The following CFDP1 variants were observed in gnomAD, a reference collection of about 807,000 sequenced individuals.
CFDP1 encodes chromatin remodeling protein CFDP1.
A neutral mutation model predicts 40.1 loss-of-function variants in CFDP1; 31 were observed. The observed-to-expected ratio is 0.77, with a 90% confidence interval of 0.58 to 1.04. The LOEUF (loss-of-function observed/expected upper bound fraction) is 1.04. CFDP1 is among the 50% of genes least tolerant of loss of function. CFDP1 has a pLI of 0.00. For synonymous variants in CFDP1, 167 were observed against 120.0 expected (o/e 1.39, Z -2.56); for missense variants, 423 against 343.4 (o/e 1.23, Z -1.83).
chr16:75,338,407 A>C (rs184967777), intron 5 of CFDP1, among the ~76,000 whole-genome samples: 70 of 152,256 alleles, frequency 4.6e-4, no homozygotes, highest in African/African-American at 1.7e-3. Context: ...GAGGATAGGG[A>C]GGGGTTGGAG....
intron 4 of CFDP1, among the ~76,000 whole-genome samples, chr16:75,402,948 T>C (rs2079067923): frequency 6.6e-6 from 1 of 152,172 alleles, no homozygotes. Flanking sequence ...ATTTTTAAAG[T>C]AATAAGCATG....
chr16:75,433,289 C>A lies in CFDP1; in HGVS notation c.64G>T (p.Gly22Cys). 1 of 1,598,382 alleles carries A rather than the reference C, an allele frequency of 6.3e-7. No individual in the cohort carries two copies. The highest frequency in any genetic ancestry group is 2.3e-5 in the East Asian group (1 of 44,420). The change falls in exon 1 of 7, where the codon GGT (glycine) becomes TGT (cysteine). Residue 22 changes from glycine (G) to cysteine (C), a missense_variant and splice_region_variant. Transcript: ENST00000283882. ...SEEDEDYVPS[G>C]GEYSEDDVNE... Reference sequence around the variant, plus strand: ...TCTCGCCTCAGGCGGAATCGCTCACCCGACGGCACGTAGTCCTCGTCCTCC... The same window carrying A: ...TCTCGCCTCAGGCGGAATCGCTCACACGACGGCACGTAGTCCTCGTCCTCC...
At chr16:75,304,843 TC>T (rs1489005038) in intron 6 of CFDP1, among the ~76,000 whole-genome samples, 180 bp downstream of exon 6, 3 of 152,168 alleles carry the variant, frequency 2.0e-5, no homozygotes, top group Non-Finnish European at 4.4e-5. Context: ...GCAGTGGCCT[TC>T]CCAGTGACAG....
At chr16:75,362,675 A>T (rs1301102524) in intron 5 of CFDP1, among the ~76,000 whole-genome samples, 1 of 152,140 alleles carries the variant, frequency 6.6e-6, no homozygotes, top group Non-Finnish European at 1.5e-5. Flanking sequence ...TATAAAAGCA[A>T]GCCTAAGTTA....
chr16:75,395,245 G>C (rs774600454), intron 4 of CFDP1, 36 bp from the exon 5 acceptor site: 3 of 1,602,370 alleles, frequency 1.9e-6, no homozygotes, highest in Admixed American at 1.7e-5. Flanking sequence ...CTTACAAGAA[G>C]AATAAAGAGA....
At chr16:75,330,062 C>T (rs1358674062) in intron 5 of CFDP1, among the ~76,000 whole-genome samples, 1 of 152,160 alleles carries the variant, frequency 6.6e-6, no homozygotes, top group African/African-American at 2.4e-5. Flanking sequence ...CTTCCCTGAC[C>T]CCAAGATTCT....
At chr16:75,406,319 G>C (rs2151578271) in intron 4 of CFDP1, among the ~76,000 whole-genome samples, 1 of 152,202 alleles carries the variant, frequency 6.6e-6, no homozygotes, top group South Asian at 2.1e-4. Flanking sequence ...CATGGCTGTA[G>C]TGGGCCATGA....
intron 4 of CFDP1, among the ~76,000 whole-genome samples, chr16:75,400,531 G>T (rs753859914): frequency 6.6e-6 from 1 of 152,066 alleles, no homozygotes; most frequent in South Asian, 2.1e-4. Context: ...CTAGGCCCCA[G>T]ATCCCCTTCA....
intron 4 of CFDP1, among the ~76,000 whole-genome samples, chr16:75,409,798 C>A (rs1172138732): frequency 1.3e-5 from 2 of 152,114 alleles, no homozygotes; most frequent in African/African-American, 4.8e-5. Context: ...AGTGGTGAAT[C>A]TGGATCATAG....
chr16:75,334,856 G>A (rs2078474682), intron 5 of CFDP1, among the ~76,000 whole-genome samples: 1 of 152,074 alleles, frequency 6.6e-6, no homozygotes, highest in South Asian at 2.1e-4. Flanking sequence ...TTGGGAGGCT[G>A]AGGCACAAGA....
intron 5 of CFDP1, among the ~76,000 whole-genome samples, chr16:75,313,273 C>T (rs1322655669): frequency 6.6e-6 from 1 of 152,206 alleles, no homozygotes. Context: ...GCATATAATG[C>T]AGAGAGAAAT....
chr16:75,388,872 G>A (rs1035424145), intron 5 of CFDP1, among the ~76,000 whole-genome samples: 1 of 151,006 alleles, frequency 6.6e-6, no homozygotes, highest in African/African-American at 2.4e-5. Flanking sequence ...GGAAAACACT[G>A]CTACACTGAC....
chr16:75,407,323 G>C (rs1414296716), intron 4 of CFDP1, among the ~76,000 whole-genome samples: 2 of 152,106 alleles, frequency 1.3e-5, no homozygotes, highest in Non-Finnish European at 2.9e-5. Flanking sequence ...TAGAAAAATA[G>C]TGTTTCTACA....
intron 5 of CFDP1, among the ~76,000 whole-genome samples, chr16:75,334,367 G>A (rs78432562): frequency 0.016 from 2,417 of 151,294 alleles, 61 homozygotes; most frequent in African/African-American, 0.054. Context: ...AAAACTGTAC[G>A]GCAGTCCCAC....
chr16:75,350,896 T>A (rs918114910), intron 5 of CFDP1, among the ~76,000 whole-genome samples: 2 of 152,096 alleles, frequency 1.3e-5, no homozygotes, highest in African/African-American at 4.8e-5. Flanking sequence ...ACCTAATGTG[T>A]CCAACTGGTA....
chr16:75,304,326 C>T (rs866976794), intron 6 of CFDP1, among the ~76,000 whole-genome samples: 119 of 152,276 alleles, frequency 7.8e-4, no homozygotes, highest in African/African-American at 2.7e-3. Flanking sequence ...CCTCGGCCTC[C>T]GAAAGTGCCA....
intron 5 of CFDP1, among the ~76,000 whole-genome samples, chr16:75,349,194 T>A (rs954879167): frequency 1.3e-5 from 2 of 152,084 alleles, no homozygotes; most frequent in Admixed American, 6.5e-5. Flanking sequence ...CATTTTTGGA[T>A]GGTTCACTGC....
At chr16:75,407,495 C>T (rs912271780) in intron 4 of CFDP1, among the ~76,000 whole-genome samples, 3 of 148,904 alleles carry the variant, frequency 2.0e-5, no homozygotes, top group Non-Finnish European at 4.5e-5. Flanking sequence ...CTGGGCAACA[C>T]AGTGAGATGA....
intron 4 of CFDP1, among the ~76,000 whole-genome samples, chr16:75,405,058 T>C (rs1005610444): frequency 1.5e-4 from 23 of 152,302 alleles, no homozygotes; most frequent in African/African-American, 5.1e-4. Flanking sequence ...TGTGAGTATT[T>C]AGAAACTTGT....
Sources: gnomAD v4.1 joint callset for allele counts (sites outside exome capture counted in the v4.1 genomes callset) on GRCh38, gnomAD v4.1.1 for gene constraint, MANE v1.5 for transcripts, NCBI Gene and HGNC (gene_info 2026-07-23, HGNC 2026-07-21) for gene names.